PCBP3: variants seen among roughly 807,000 people sequenced by gnomAD.
The protein encoded by PCBP3 is poly(rC) binding protein 3, also known as poly(rC)-binding protein 3.
PCBP3 carries 25 observed loss-of-function variants against 52.7 expected under a neutral mutation model. The observed-to-expected ratio is 0.47, with a 90% CI of 0.35 to 0.66. The LOEUF is 0.66. Ranked by LOEUF, PCBP3 falls within the 30% of genes least tolerant of loss-of-function variation. PCBP3 has a pLI of 0.01. For synonymous variants in PCBP3, 162 were observed against 183.0 expected (o/e 0.89, Z 0.93); for missense variants, 391 against 490.3 (o/e 0.80, Z 1.91).
chr21:45,790,192 C>T (rs1301102772), intron 4 of PCBP3, among the ~76,000 whole-genome samples: 2 of 151,996 alleles, frequency 1.3e-5, no homozygotes, highest in African/African-American at 2.4e-5. Flanking sequence ...GAAGCAGAGA[C>T]TGGTGAGGAG....
At chr21:45,828,446 T>C (rs1265372790) in intron 4 of PCBP3, 1 of 152,040 alleles carries the variant, frequency 6.6e-6, no homozygotes, top group Non-Finnish European at 1.5e-5. Context: ...CCAGTATACA[T>C]GGGTGGGATC....
chr21:45,758,370 T>G (rs1185086793), intron 4 of PCBP3, among the ~76,000 whole-genome samples: 2 of 152,208 alleles, frequency 1.3e-5, no homozygotes, highest in Non-Finnish European at 2.9e-5. Context: ...CTGACAGTGA[T>G]TGCCTTGAAT....
chr21:45,913,249 C>A (rs751329237), intron 11 of PCBP3, among the ~76,000 whole-genome samples: 2 of 152,270 alleles, frequency 1.3e-5, no homozygotes, highest in Non-Finnish European at 2.9e-5. Flanking sequence ...AGGCAAACCT[C>A]ATCGTAACTA....
In PCBP3 at chr21:45,917,596, A is replaced by G. The variant is rs773839964; in HGVS notation, c.684A>G (p.Thr228=). The G allele has an allele frequency of 2.5e-6, 4 of 1,613,172 alleles. No individual in the cohort carries two copies. Among genetic ancestry groups the G allele is most frequent in the Admixed American group, 3.3e-5 (2 of 59,972 alleles). ...PVIFAGGQAY[T]IQGQYAIPHP... is the part of the protein sequence containing the mutation. ...TCTCTCTCTCTCTCTAGGCCTACAC[A>G]ATCCAGGGACAGTATGCCATCCCTC... is the stretch of plus-strand genomic sequence containing the variant. The change falls in exon 13 of 18, where the codon ACA becomes ACG. Residue 228 remains threonine, a synonymous_variant. Transcript: ENST00000681687. The surrounding 1 kb of genome is among the most constrained non-coding windows in gnomAD (Gnocchi z 5.3).
At chr21:45,698,858 A>T (rs190068427) in intron 2 of PCBP3, among the ~76,000 whole-genome samples, 11 of 152,324 alleles carry the variant, frequency 7.2e-5, no homozygotes, top group African/African-American at 2.2e-4. Flanking sequence ...TCCACACCAA[A>T]GGAAGTGTCT....
rs1479414814 is a variant in PCBP3, at chr21:45,656,282, G to A, written c.-279+12414G>A. ...TGATAGACTGGATAAAGAAAATGTG[G>A]CACATATACACCATGGAATACTATG... is the stretch of plus-strand genomic sequence containing the variant. On this transcript the variant is annotated intron_variant, in intron 1 of 17. Transcript: ENST00000681687. The surrounding 1 kb of genome is among the most constrained non-coding windows in gnomAD (Gnocchi z 4.3). Among the ~76,000 whole-genome samples, 1 of 152,146 alleles carries A rather than the reference G, an allele frequency of 6.6e-6. No individual in the cohort carries two copies. The highest frequency in any genetic ancestry group is 2.4e-5 in the African/African-American group (1 of 41,420).
intron 14 of PCBP3, among the ~76,000 whole-genome samples, chr21:45,930,278 G>T (rs1182870105): frequency 6.6e-6 from 1 of 152,194 alleles, no homozygotes; most frequent in African/African-American, 2.4e-5. Flanking sequence ...GTCTGCACTT[G>T]CTGGGCAGTG....
intron 4 of PCBP3, among the ~76,000 whole-genome samples, chr21:45,847,861 A>G (rs913082378): frequency 6.6e-6 from 1 of 152,100 alleles, no homozygotes; most frequent in South Asian, 2.1e-4. Flanking sequence ...TTTTTTTCCT[A>G]AGAACATTTC....
At chr21:45,814,337 T>C (rs2092768144) in intron 4 of PCBP3, among the ~76,000 whole-genome samples, 1 of 138,034 alleles carries the variant, frequency 7.2e-6, no homozygotes, top group South Asian at 2.4e-4. Context: ...GGTGAGCTAG[T>C]GAGTGGTGAG....
intron 2 of PCBP3, among the ~76,000 whole-genome samples, chr21:45,694,966 A>G (rs1222837301): frequency 6.6e-6 from 1 of 152,222 alleles, no homozygotes; most frequent in South Asian, 2.1e-4. Context: ...TTTATTCTAA[A>G]ACATATAAAG....
In PCBP3 at chr21:45,858,891, A is replaced by G. The variant is rs115784568; in HGVS notation, c.10+8796A>G. 683 of 152,260 alleles carry G rather than the reference A, an allele frequency of 4.5e-3. 3 individuals carry two copies. The highest frequency in any genetic ancestry group is 0.015 in the African/African-American group (636 of 41,514). 9.4% of individuals were successfully genotyped at this position (152,260 alleles called of 1,614,324 possible). ...GTCTCATGAGATCTGATGGTTTTCT[A>G]AAGCATAGTTCCTCTGCACGTGCCC... On this transcript the variant is annotated intron_variant, in intron 5 of 17. Transcript: ENST00000681687.
chr21:45,883,060 T>A (rs1198917216), intron 5 of PCBP3, among the ~76,000 whole-genome samples: 1 of 152,254 alleles, frequency 6.6e-6, no homozygotes, highest in Non-Finnish European at 1.5e-5. Context: ...TCAGCACTGC[T>A]GTAGTTGTGT....
intron 2 of PCBP3, among the ~76,000 whole-genome samples, chr21:45,726,042 G>A (rs1043281573): frequency 1.4e-4 from 21 of 152,102 alleles, no homozygotes; most frequent in Non-Finnish European, 2.8e-4. Context: ...GGTTTGGTAC[G>A]GAGGCTGCAG....
intron 4 of PCBP3, among the ~76,000 whole-genome samples, chr21:45,849,430 T>C (rs1433438892): frequency 6.6e-6 from 1 of 151,972 alleles, no homozygotes; most frequent in Non-Finnish European, 1.5e-5. Flanking sequence ...GGCCTCAAAC[T>C]CCTGACCTTA....
At chr21:45,900,960 T>TA in intron 8 of PCBP3, 37 bp from the exon 9 acceptor site, 1 of 1,502,872 alleles carries the variant, frequency 6.7e-7, no homozygotes, top group Non-Finnish European at 9.3e-7. Context: ...CCAAGGGTTT[T>TA]AATCAGGTCG....
Position 45,817,651 on chromosome 21 carries a change from G to A in PCBP3, c.-125-32310G>A, listed in dbSNP as rs577912427. On this transcript the variant is annotated intron_variant, in intron 4 of 17. Coordinates refer to ENST00000681687, the MANE Select transcript of PCBP3 (RefSeq NM_001384156.1). This position sits in a 1 kb window ranked among gnomAD's most constrained non-coding sequence, Gnocchi z 4.3. ...GAAAGCAGCCGGCGAGGAGCTCAGC[G>A]TGTGTCTCCGCCGGGTGAAAGATCA... 9.5e-5 allele frequency among the ~76,000 whole-genome samples: 14 copies of A among 148,020 alleles called. No homozygotes were observed. The highest frequency in any genetic ancestry group is 2.4e-4 in the African/African-American group (9 of 37,448).
chr21:45,785,877 G>T (rs1366545698), intron 4 of PCBP3, among the ~76,000 whole-genome samples: 5 of 150,098 alleles, frequency 3.3e-5, no homozygotes, highest in Non-Finnish European at 7.4e-5. Context: ...TCCACTCAGG[G>T]TTAAATGGAT....
intron 4 of PCBP3, chr21:45,762,491 CTT>C (rs374275789): frequency 1.1e-4 from 11 of 104,650 alleles, no homozygotes; most frequent in Middle Eastern, 7.2e-3. Context: ...CTTTTCTTCT[CTT>C]TTTTTTTTTT....
intron 13 of PCBP3, among the ~76,000 whole-genome samples, chr21:45,927,304 C>CCTCCTCT (rs2075571710): frequency 3.3e-4 from 2 of 6,076 alleles, no homozygotes; most frequent in Non-Finnish European, 3.6e-4. Flanking sequence ...TCCTCCCTCC[C>CCTCCTCT]CTCCCCTTCC....
Sources: gnomAD v4.1 joint callset for allele counts (sites outside exome capture counted in the v4.1 genomes callset) on GRCh38, gnomAD v4.1.1 for gene constraint, Gnocchi (gnomAD v3.1) non-coding constraint, MANE v1.5 for transcripts, NCBI Gene and HGNC (gene_info 2026-07-23, HGNC 2026-07-21) for gene names.